The following GNAQ variants were observed in gnomAD, a reference collection of about 807,000 sequenced individuals.
The protein encoded by GNAQ is guanine nucleotide-binding protein G(q) subunit alpha.
In GNAQ, 8 loss-of-function variants were observed where a neutral mutation model predicts 43.9. The ratio of observed to expected loss-of-function variants is 0.18; its 90% CI spans 0.11 to 0.33. The LOEUF (loss-of-function observed/expected upper bound fraction) is 0.33, where lower values mean the gene tolerates loss of function less well. Ranked by LOEUF, GNAQ falls within the 10% of genes least tolerant of loss-of-function variation. The pLI, the probability that GNAQ is intolerant of heterozygous loss-of-function variation, is 1.00. For synonymous variants in GNAQ, 155 were observed against 170.7 expected, an observed-to-expected ratio of 0.91 and a Z score of 0.71; for missense variants, 158 against 450.8, an observed-to-expected ratio of 0.35 and a Z score of 5.88.
intron 5 of GNAQ, among the ~76,000 whole-genome samples, chr9:77,744,890 A>G (rs1032692158): frequency 2.0e-5 from 3 of 152,198 alleles, no homozygotes; most frequent in Admixed American, 6.5e-5. Flanking sequence ...AAGAAAATGA[A>G]ACAACAATAA....
intron 2 of GNAQ, among the ~76,000 whole-genome samples, chr9:77,878,930 C>T (rs1267201294): frequency 6.6e-6 from 1 of 151,966 alleles, no homozygotes; most frequent in Non-Finnish European, 1.5e-5. Context: ...CCTGTAATCC[C>T]AGCTACTCAA....
chr9:77,943,962 T>C, intron 1 of GNAQ, among the ~76,000 whole-genome samples: 1 of 152,152 alleles, frequency 6.6e-6, no homozygotes, highest in African/African-American at 2.4e-5. Context: ...ACACAGTGCC[T>C]AGCCAGTGAC....
intron 5 of GNAQ, among the ~76,000 whole-genome samples, chr9:77,787,023 G>C (rs997899013): frequency 1.3e-5 from 2 of 152,134 alleles, no homozygotes; most frequent in African/African-American, 4.8e-5. Context: ...GAATTACATA[G>C]AATGCATATA....
At position 77,776,527 on chromosome 9, in the gene GNAQ, C is replaced by T. The variant is rs111863291; in HGVS notation, c.735+17936G>A. 4.1e-4 allele frequency among the ~76,000 whole-genome samples: 63 copies of T among 152,282 alleles called. No homozygotes were observed. In the East Asian group the frequency reaches 0.012, roughly 29 times the overall value. On this transcript the variant is annotated intron_variant, in intron 5 of 6. Coordinates refer to ENST00000286548, the MANE Select transcript of GNAQ (RefSeq NM_002072.5). ...ATCAAGTAGGCATAACAATTGTATG[C>T]TTATGTGCAATAATAGTGCAATAAC...
intron 2 of GNAQ, among the ~76,000 whole-genome samples, chr9:77,895,381 A>G (rs780549300): frequency 1.3e-5 from 2 of 152,178 alleles, no homozygotes; most frequent in Non-Finnish European, 2.9e-5. Context: ...CCAAGATCAC[A>G]GCTAGTAAGT....
chr9:77,986,312 T>G (rs541985182), intron 1 of GNAQ, among the ~76,000 whole-genome samples: 54 of 152,294 alleles, frequency 3.5e-4, no homozygotes, highest in Admixed American at 1.4e-3. Flanking sequence ...TTCACAGTAT[T>G]GTGCACCCTG....
chr9:77,755,619 TTTTCC>T (rs1438123288), intron 5 of GNAQ, among the ~76,000 whole-genome samples: 6 of 152,220 alleles, frequency 3.9e-5, no homozygotes, highest in Non-Finnish European at 2.9e-5. Flanking sequence ...TTTATTTCCT[TTTTCC>T]TTTATCATGT....
chr9:77,793,062 G>T (rs1826601886), intron 5 of GNAQ, among the ~76,000 whole-genome samples: 1 of 151,992 alleles, frequency 6.6e-6, no homozygotes, highest in Non-Finnish European at 1.5e-5. Context: ...AGAAGTGTTA[G>T]AATAGATCTG....
At chr9:77,984,044 G>C (rs1453600257) in intron 1 of GNAQ, among the ~76,000 whole-genome samples, 2 of 70,964 alleles carry the variant, frequency 2.8e-5, no homozygotes, top group African/African-American at 1.3e-4. Flanking sequence ...TAGAATTTTG[G>C]AGAGCAAAAA....
chr9:77,773,857 C>A (rs1564106823), intron 5 of GNAQ, among the ~76,000 whole-genome samples: 1 of 152,182 alleles, frequency 6.6e-6, no homozygotes, highest in Non-Finnish European at 1.5e-5. Context: ...AAGAACATTT[C>A]ACGAAATCCA....
intron 3 of GNAQ, 151 bp downstream of exon 3, chr9:77,815,465 T>A: frequency 2.0e-6 from 1 of 488,570 alleles, no homozygotes. Flanking sequence ...TTTATGAGGT[T>A]GGCATAAGTT....
chr9:78,002,630 A>G (rs1823657865), intron 1 of GNAQ, among the ~76,000 whole-genome samples: 1 of 152,166 alleles, frequency 6.6e-6, no homozygotes, highest in Non-Finnish European at 1.5e-5. Context: ...AACCACACTG[A>G]CCCACAATCT....
In GNAQ at chr9:77,863,400, T is replaced by A. The variant is rs538607943; in HGVS notation, c.322-47630A>T. ...GCTCCAGTTCCCAACAAGTTCCTCA[T>A]CTCCATCTGAGACCACCTCAGCGTG... On this transcript the variant is annotated intron_variant, in intron 2 of 6. Transcript: ENST00000286548. 6.6e-5 allele frequency among the ~76,000 whole-genome samples: 10 copies of A among 152,294 alleles called. No homozygotes were observed. In the East Asian group the frequency reaches 1.7e-3, roughly 26 times the overall value.
intron 1 of GNAQ, among the ~76,000 whole-genome samples, chr9:77,974,907 T>C (rs1325850956): frequency 6.6e-6 from 1 of 152,244 alleles, no homozygotes; most frequent in Non-Finnish European, 1.5e-5. Context: ...AATATTCTTG[T>C]ACAGTGTTTG....
At chr9:77,932,813 C>A (rs1366767138) in intron 1 of GNAQ, among the ~76,000 whole-genome samples, 1 of 151,988 alleles carries the variant, frequency 6.6e-6, no homozygotes, top group African/African-American at 2.4e-5. Flanking sequence ...TTGATTTATG[C>A]TAGGTAAAGA....
chr9:77,745,438 G>C (rs950486514), intron 5 of GNAQ, among the ~76,000 whole-genome samples: 2 of 152,002 alleles, frequency 1.3e-5, no homozygotes, highest in Non-Finnish European at 1.5e-5. Context: ...ACTGTAAAGA[G>C]ATCAATGCAA....
intron 2 of GNAQ, among the ~76,000 whole-genome samples, chr9:77,879,629 A>T (rs1434172774): frequency 6.6e-6 from 1 of 152,216 alleles, no homozygotes; most frequent in Admixed American, 6.5e-5. Flanking sequence ...AGTTTTGTTG[A>T]TTACTTTCTT....
chr9:77,975,790 C>A (rs1823294294), intron 1 of GNAQ, among the ~76,000 whole-genome samples: 1 of 152,160 alleles, frequency 6.6e-6, no homozygotes, highest in African/African-American at 2.4e-5. Flanking sequence ...CCCGCCTCAG[C>A]CTCCCAAAGT....
intron 1 of GNAQ, among the ~76,000 whole-genome samples, chr9:77,925,413 A>G (rs965862054): frequency 1.3e-5 from 2 of 152,196 alleles, no homozygotes; most frequent in African/African-American, 4.8e-5. Context: ...GATTTTCACA[A>G]TTATCCTAAA....
Sources: allele counts gnomAD v4.1 joint callset (sites outside exome capture counted in the v4.1 genomes callset), GRCh38; gene constraint gnomAD v4.1.1; transcripts MANE v1.5; gene names NCBI Gene and HGNC (gene_info 2026-07-23, HGNC 2026-07-21).